PTPRT: variants seen among roughly 807,000 people sequenced by gnomAD.
PTPRT encodes protein tyrosine phosphatase receptor type T.
In PTPRT, 56 loss-of-function variants were observed where a neutral mutation model predicts 176.8. That is an observed-to-expected ratio of 0.32 (90% CI 0.26 to 0.40). The LOEUF is 0.40. PTPRT is among the 10% of genes least tolerant of loss of function. PTPRT has a pLI of 1.00. For missense variants in PTPRT, 1,540 were observed against 1,908.2 expected (o/e 0.81, Z 3.60); for synonymous variants, 783 against 739.0 (o/e 1.06, Z -0.96).
intron 7 of PTPRT, among the ~76,000 whole-genome samples, chr20:42,530,446 T>C (rs1238593196): frequency 6.6e-6 from 1 of 152,134 alleles, no homozygotes; most frequent in Non-Finnish European, 1.5e-5. Flanking sequence ...TGTTAAGTGT[T>C]GGGGGAGGTA....
chr20:42,484,239 C>T (rs185981197), intron 7 of PTPRT, among the ~76,000 whole-genome samples: 1 of 152,254 alleles, frequency 6.6e-6, no homozygotes, highest in South Asian at 2.1e-4. Context: ...AGCCAAAAAA[C>T]ATACCCAACA....
intron 7 of PTPRT, among the ~76,000 whole-genome samples, chr20:42,523,672 T>A (rs975389431): frequency 6.6e-6 from 1 of 152,242 alleles, no homozygotes; most frequent in Middle Eastern, 3.2e-3. Flanking sequence ...GACGTAGACA[T>A]ATATTGTAGT....
rs568283536 is a variant in PTPRT, at chr20:43,154,888, G to A, written c.88+34758C>T. 7.9e-5 allele frequency among the ~76,000 whole-genome samples: 12 copies of A among 152,108 alleles called. No individual in the cohort carries two copies. The East Asian group carries it at 2.3e-3, about 29-fold the overall frequency. ...TAACCTGATTTTAAAATGAGCAAAA[G>A]ACTCGAATAGACATTGATCCAAAAA... On this transcript the variant is annotated intron_variant, in intron 1 of 30. Coordinates refer to ENST00000373187, the MANE Select transcript of PTPRT (RefSeq NM_007050.6).
At chr20:42,114,239 T>C (rs1181087807) in intron 22 of PTPRT, among the ~76,000 whole-genome samples, 1 of 152,216 alleles carries the variant, frequency 6.6e-6, no homozygotes, top group Non-Finnish European at 1.5e-5. Flanking sequence ...GCTGGGCAAC[T>C]TTGGATGACT....
intron 1 of PTPRT, among the ~76,000 whole-genome samples, chr20:42,910,296 C>A (rs528848017): frequency 6.6e-6 from 1 of 152,188 alleles, no homozygotes; most frequent in Non-Finnish European, 1.5e-5. Flanking sequence ...GAAGGCTCCT[C>A]CAGGCAAGCC....
chr20:42,759,589 G>T (rs1055966057), intron 5 of PTPRT, among the ~76,000 whole-genome samples: 1 of 152,226 alleles, frequency 6.6e-6, no homozygotes, highest in African/African-American at 2.4e-5. Flanking sequence ...CCTGGGAAAT[G>T]CCACAAAGAA....
chr20:42,816,858 G>T (rs538526209), intron 2 of PTPRT, among the ~76,000 whole-genome samples: 1 of 152,188 alleles, frequency 6.6e-6, no homozygotes, highest in Non-Finnish European at 1.5e-5. Flanking sequence ...AACCAATCAT[G>T]AAAGGCAAGA....
intron 7 of PTPRT, among the ~76,000 whole-genome samples, chr20:42,502,613 G>T: frequency 6.6e-6 from 1 of 151,810 alleles, no homozygotes; most frequent in African/African-American, 2.4e-5. Flanking sequence ...TTTTGTGCTG[G>T]CTTACTCATT....
chr20:42,083,789 T>C (rs1983599961), intron 29 of PTPRT, among the ~76,000 whole-genome samples: 1 of 152,222 alleles, frequency 6.6e-6, no homozygotes, highest in Non-Finnish European at 1.5e-5. Context: ...CAATGACTTT[T>C]CCTCAAATCG....
At chr20:42,185,365 A>T (rs1332918968) in intron 16 of PTPRT, among the ~76,000 whole-genome samples, 1 of 152,198 alleles carries the variant, frequency 6.6e-6, no homozygotes, top group African/African-American at 2.4e-5. Context: ...TGTGGTCTGA[A>T]GATCACCAGC....
At chr20:43,073,658 A>C (rs1368183241) in intron 1 of PTPRT, among the ~76,000 whole-genome samples, 1 of 151,734 alleles carries the variant, frequency 6.6e-6, no homozygotes, top group East Asian at 2.0e-4. Context: ...TTATAGATAC[A>C]TATTACATAT....
At chr20:42,427,749 C>T (rs559766577) in intron 9 of PTPRT, among the ~76,000 whole-genome samples, 1 of 152,284 alleles carries the variant, frequency 6.6e-6, no homozygotes, top group Admixed American at 6.5e-5. Context: ...TGAAGATCCA[C>T]AAAAGAAGTA....
intron 1 of PTPRT, among the ~76,000 whole-genome samples, chr20:43,038,466 G>T (rs144974231): frequency 6.6e-6 from 1 of 152,040 alleles, no homozygotes; most frequent in Non-Finnish European, 1.5e-5. Flanking sequence ...AATAGCATGC[G>T]AGTTCCTCAA....
At chr20:42,848,547 G>T (rs774630805) in intron 2 of PTPRT, among the ~76,000 whole-genome samples, 16 of 152,154 alleles carry the variant, frequency 1.1e-4, no homozygotes, top group Non-Finnish European at 1.8e-4. Flanking sequence ...ACACACTGTG[G>T]TTTTGATTTG....
Position 42,874,899 on chromosome 20 carries a change from C to T in PTPRT, c.214+10908G>A, listed in dbSNP as rs539583930. Among the ~76,000 whole-genome samples, 24 of 152,204 alleles carry T rather than the reference C, an allele frequency of 1.6e-4. No homozygotes were observed. The East Asian group carries it at 3.3e-3, about 21-fold the overall frequency. ...TTATTCTTTCTTTCTTTCTTCCTTT[C>T]TTTTTTGAGATGAAGTTTTGCTTTC... On this transcript the variant is annotated intron_variant, in intron 2 of 30. Transcript: ENST00000373187.
chr20:42,430,571 T>C (rs980967472), intron 9 of PTPRT, among the ~76,000 whole-genome samples: 2 of 152,192 alleles, frequency 1.3e-5, no homozygotes, highest in Admixed American at 1.3e-4. Flanking sequence ...TGGCTGGTGA[T>C]GTATCATAAA....
chr20:42,817,133 C>T (rs908403890), intron 2 of PTPRT, among the ~76,000 whole-genome samples: 1 of 152,132 alleles, frequency 6.6e-6, no homozygotes, highest in East Asian at 1.9e-4. Flanking sequence ...TTTAAAAGGG[C>T]AATTCCTCAT....
intron 7 of PTPRT, among the ~76,000 whole-genome samples, chr20:42,547,409 A>T (rs2072694798): frequency 6.6e-6 from 1 of 151,976 alleles, no homozygotes; most frequent in Non-Finnish European, 1.5e-5. Context: ...TGAAAAAAAA[A>T]TATATTATTT....
In PTPRT at chr20:42,730,928, C is replaced by A. The variant is rs574628687; in HGVS notation, c.859+25534G>T. Among the ~76,000 whole-genome samples, 81 of 152,316 alleles carry A rather than the reference C, an allele frequency of 5.3e-4. 1 individual carries two copies. Among genetic ancestry groups the A allele is most frequent in the African/African-American group, 1.9e-3 (79 of 41,566 alleles). ...TTCTCCCTCTGCCCAGCCCAGCCTC[C>A]CCCACTTCTTTACAGGTGGGTGTCC... On this transcript the variant is annotated intron_variant, in intron 6 of 30. Coordinates refer to ENST00000373187, the MANE Select transcript of PTPRT (RefSeq NM_007050.6).
Sources: allele counts gnomAD v4.1 joint callset (sites outside exome capture counted in the v4.1 genomes callset), GRCh38; gene constraint gnomAD v4.1.1; transcripts MANE v1.5; gene names NCBI Gene and HGNC (gene_info 2026-07-23, HGNC 2026-07-21).